The following KCNG3 variants were observed in gnomAD, a reference collection of about 807,000 sequenced individuals.
KCNG3 encodes voltage-gated potassium channel regulatory subunit KCNG3.
A neutral mutation model predicts 29.0 loss-of-function variants in KCNG3; 15 were observed. The ratio of observed to expected loss-of-function variants is 0.52; its 90% CI spans 0.35 to 0.80. The LOEUF (loss-of-function observed/expected upper bound fraction) is 0.80. Among genes scored for constraint, KCNG3 ranks in the 30% least tolerant of loss-of-function variants. The pLI is 0.01. For missense variants in KCNG3, 512 were observed against 605.7 expected, an observed-to-expected ratio of 0.85 and a Z score of 1.62; for synonymous variants, 322 against 248.9, an observed-to-expected ratio of 1.29 and a Z score of -2.76.
the KCNG3 span, among the ~76,000 whole-genome samples, chr2:42,405,567 T>G: frequency 6.6e-6 from 1 of 151,780 alleles, no homozygotes; most frequent in East Asian, 1.9e-4. Flanking sequence ...GCCTCCTGAA[T>G]AGCTAAGATT....
Position 42,493,004 on chromosome 2 carries a change from C to T in KCNG3, c.498G>A (p.Ser166=), listed in dbSNP as rs932037263. Residue 166 remains serine (S), a synonymous_variant, in exon 1 of 2, where the codon TCG becomes TCA. Coordinates refer to ENST00000306078, the MANE Select transcript of KCNG3 (RefSeq NM_133329.6). ...RMRRTFEEPT[S]SLAAQILASV... Reference sequence around the variant, plus strand: ...TAGCCAGGATCTGCGCGGCCAGCGACGACGTGGGCTCCTCGAAGGTCCGCC... The same window carrying T: ...TAGCCAGGATCTGCGCGGCCAGCGATGACGTGGGCTCCTCGAAGGTCCGCC... 5 of 1,531,268 alleles carry T rather than the reference C, an allele frequency of 3.3e-6. No individual in the cohort carries two copies. The African/African-American group carries it at 4.2e-5, about 13-fold the overall frequency. 94.9% of individuals were successfully genotyped at this position (1,531,268 alleles called of 1,614,324 possible).
the KCNG3 span, among the ~76,000 whole-genome samples, chr2:42,429,614 T>C: frequency 0.016 from 2,473 of 152,298 alleles, 61 homozygotes; most frequent in African/African-American, 0.054. Flanking sequence ...CTGTGGACCA[T>C]AGGATGGCAC....
chr2:42,433,215 T>C, the KCNG3 span, among the ~76,000 whole-genome samples: 1 of 152,256 alleles, frequency 6.6e-6, no homozygotes, highest in Non-Finnish European at 1.5e-5. Context: ...CAGTTGCAGA[T>C]GGCATGATCT....
chr2:42,426,545 A>G, the KCNG3 span, among the ~76,000 whole-genome samples: 1 of 152,192 alleles, frequency 6.6e-6, no homozygotes, highest in South Asian at 2.1e-4. Context: ...GAATACTCTC[A>G]TTGAGGATAG....
At chr2:42,407,447 G>A in the KCNG3 span, among the ~76,000 whole-genome samples, 1 of 152,184 alleles carries the variant, frequency 6.6e-6, no homozygotes, top group Admixed American at 6.5e-5. Context: ...CCTGTCTGGA[G>A]CGGATGCTGC....
At chr2:42,446,449 G>C (rs1409373821) in intron 1 of KCNG3, among the ~76,000 whole-genome samples, 1 of 152,038 alleles carries the variant, frequency 6.6e-6, no homozygotes, top group Non-Finnish European at 1.5e-5. Flanking sequence ...AAAGTGCTGG[G>C]ATTACAGGCA....
In KCNG3 at chr2:42,443,746, T is replaced by C; in HGVS notation, c.*188A>G. On this transcript the variant is annotated 3_prime_UTR_variant, in exon 2 of 2. Transcript: ENST00000306078. ...TACTCTAGGAGTCATTATTCTTCCTTTGCAGTCTCAATTCTATTTACTCCA... is the reference window on the plus strand; with the variant it reads ...TACTCTAGGAGTCATTATTCTTCCTCTGCAGTCTCAATTCTATTTACTCCA... 2 of 535,624 alleles carry C rather than the reference T, an allele frequency of 3.7e-6. No homozygotes were observed. The highest frequency in any genetic ancestry group is 6.4e-6 in the Non-Finnish European group (2 of 310,480). The allele number at this position is 535,624 out of a possible 1,614,324, so 33.2% of individuals were successfully genotyped here. A position where few individuals can be genotyped will look rare whatever the true frequency, so the allele number is the denominator to read the frequency against.
At chr2:42,474,474 G>A (rs961418887) in intron 1 of KCNG3, among the ~76,000 whole-genome samples, 1 of 152,194 alleles carries the variant, frequency 6.6e-6, no homozygotes, top group African/African-American at 2.4e-5. Flanking sequence ...GTTGCAGTGA[G>A]CCAAGATGGC....
the KCNG3 span, among the ~76,000 whole-genome samples, chr2:42,407,053 C>T: frequency 6.6e-6 from 1 of 152,024 alleles, no homozygotes; most frequent in African/African-American, 2.4e-5. Context: ...AAACACTTCA[C>T]ATCATGCTTG....
chr2:42,477,388 T>TACACAC lies in KCNG3; in HGVS notation c.665+15443_665+15448dup, dbSNP rs1210808896. Among the ~76,000 whole-genome samples, 554 of 104,772 alleles carry TACACAC rather than the reference T, an allele frequency of 5.3e-3. 8 individuals are homozygous for TACACAC. The highest frequency in any genetic ancestry group is 0.016 in the African/African-American group (413 of 25,312). The allele number at this position is 104,772 out of a possible 152,430, so 68.7% of individuals were successfully genotyped here. A position where few individuals can be genotyped will look rare whatever the true frequency, so the allele number is the denominator to read the frequency against. ...ACATATATATACACACACATATATATACACACACACACACACACACACACA... is the reference window on the plus strand; with the variant it reads ...ACATATATATACACACACATATATATACACACACACACACACACACACACACACACA... On this transcript the variant is annotated intron_variant, in intron 1 of 1. Coordinates refer to ENST00000306078, the MANE Select transcript of KCNG3 (RefSeq NM_133329.6).
At chr2:42,460,818 C>T (rs1017965288) in intron 1 of KCNG3, among the ~76,000 whole-genome samples, 2 of 152,076 alleles carry the variant, frequency 1.3e-5, no homozygotes, top group Admixed American at 1.3e-4. Context: ...CACCCCAAAA[C>T]ATCTTACAAA....
the KCNG3 span, among the ~76,000 whole-genome samples, chr2:42,426,817 T>C: frequency 6.6e-6 from 1 of 152,184 alleles, no homozygotes. Flanking sequence ...AATTTGACCA[T>C]AAACTGTTTG....
At chr2:42,411,572 T>A in the KCNG3 span, among the ~76,000 whole-genome samples, 1 of 152,136 alleles carries the variant, frequency 6.6e-6, no homozygotes, top group Non-Finnish European at 1.5e-5. Flanking sequence ...AACCTCCACC[T>A]CTTGGGTTCA....
the KCNG3 span, among the ~76,000 whole-genome samples, chr2:42,419,372 G>C: frequency 6.6e-6 from 1 of 151,396 alleles, no homozygotes; most frequent in South Asian, 2.1e-4. Flanking sequence ...CAAGTAGCTG[G>C]GATTACAGGC....
intron 1 of KCNG3, among the ~76,000 whole-genome samples, chr2:42,472,284 G>A (rs1254425983): frequency 6.6e-6 from 1 of 152,134 alleles, no homozygotes; most frequent in African/African-American, 2.4e-5. Flanking sequence ...GAAATCAAAC[G>A]TGACATGAAG....
rs148277914 is a variant in KCNG3 at position 42,443,937 on chromosome 2, A to G, written c.1308T>C (p.Asn436=). 1 of 1,601,400 alleles carries G rather than the reference A, an allele frequency of 6.2e-7. No individual in the cohort carries two copies. The highest frequency in any genetic ancestry group is 1.3e-5 in the African/African-American group (1 of 74,500). Reference sequence around the variant, plus strand: ...GCAAGAATTGATTTGCAATGCATTAATTCAGGAATTCAGTGGAGAGGCTCC... The same window carrying G: ...GCAAGAATTGATTTGCAATGCATTAGTTCAGGAATTCAGTGGAGAGGCTCC... The part of the protein sequence containing the change: ...YSRSLSTEFL[N] Residue 436 remains asparagine (N), a synonymous_variant, in exon 2 of 2, where the codon AAT becomes AAC. Transcript: ENST00000306078.
intron 1 of KCNG3, among the ~76,000 whole-genome samples, chr2:42,476,629 G>A (rs1673433907): frequency 6.6e-6 from 1 of 151,668 alleles, no homozygotes; most frequent in African/African-American, 2.4e-5. Flanking sequence ...TGGGGTTATA[G>A]GCGCACACCA....
At chr2:42,466,514 G>A (rs1471893104) in intron 1 of KCNG3, among the ~76,000 whole-genome samples, 1 of 152,186 alleles carries the variant, frequency 6.6e-6, no homozygotes, top group Non-Finnish European at 1.5e-5. Flanking sequence ...TTGTGGCCTA[G>A]GAGCAATAGG....
At position 42,493,310 on chromosome 2, in the gene KCNG3, G is replaced by A. The variant is rs553821399; in HGVS notation, c.192C>T (p.Asp64=). Residue 64 remains aspartate (D), a synonymous_variant, in exon 1 of 2, where the codon GAC becomes GAT. Transcript: ENST00000306078. ...TGAAGCCGAAGGCCTCCGAGTGCCG[G>A]TCGAAGAAGTACTCGTTGCGCTCGC... ...YDRERNEYFF[D]RHSEAFGFIL... 1.2e-6 allele frequency: 2 copies of A among 1,610,306 alleles called. No individual in the cohort carries two copies. The highest frequency in any genetic ancestry group is 1.7e-6 in the Non-Finnish European group (2 of 1,178,826).
Sources: allele counts gnomAD v4.1 joint callset (sites outside exome capture counted in the v4.1 genomes callset), GRCh38; gene constraint gnomAD v4.1.1; transcripts MANE v1.5; gene names NCBI Gene and HGNC (gene_info 2026-07-23, HGNC 2026-07-21).